Variants in PDZD8 observed in about 807,000 individuals in gnomAD.
PDZD8 encodes the protein PDZ domain-containing protein 8.
In PDZD8, 14 loss-of-function variants were observed where a neutral mutation model predicts 85.8. That is an observed-to-expected ratio of 0.16 (90% CI 0.11 to 0.26). PDZD8 has a LOEUF of 0.26. Among genes scored for constraint, PDZD8 ranks in the 10% least tolerant of loss-of-function variants. The pLI is 1.00. For missense variants in PDZD8, 1,197 were observed against 1,424.3 expected, an observed-to-expected ratio of 0.84 and a Z score of 2.57; for synonymous variants, 592 against 568.6, an observed-to-expected ratio of 1.04 and a Z score of -0.59.
intron 3 of PDZD8, among the ~76,000 whole-genome samples, chr10:117,292,463 A>C (rs1844784538): frequency 6.6e-6 from 1 of 152,226 alleles, no homozygotes; most frequent in Admixed American, 6.5e-5. Flanking sequence ...GCTGAAATTT[A>C]GAATGTAAGT....
chr10:117,335,964 G>A (rs1479941652), intron 2 of PDZD8, among the ~76,000 whole-genome samples: 1 of 152,216 alleles, frequency 6.6e-6, no homozygotes, highest in African/African-American at 2.4e-5. Flanking sequence ...ATGAACTAGA[G>A]TTGGAGGTAC....
intron 3 of PDZD8, among the ~76,000 whole-genome samples, chr10:117,308,487 G>A (rs756015480): frequency 9.9e-5 from 15 of 152,030 alleles, no homozygotes; most frequent in Non-Finnish European, 1.5e-4. Context: ...AATAATAATA[G>A]ATATTATGTG....
At chr10:117,330,912 C>T (rs898819169) in intron 2 of PDZD8, among the ~76,000 whole-genome samples, 9 of 152,116 alleles carry the variant, frequency 5.9e-5, no homozygotes, top group African/African-American at 2.2e-4. Flanking sequence ...GCTCTTTTTC[C>T]AATTACCTAA....
chr10:117,333,348 A>G (rs1292689766), intron 2 of PDZD8, among the ~76,000 whole-genome samples: 1 of 152,148 alleles, frequency 6.6e-6, no homozygotes, highest in Admixed American at 6.5e-5. Context: ...ATTGCAGATA[A>G]TAAGTACAAC....
At chr10:117,348,236 T>C (rs1003041592) in intron 1 of PDZD8, among the ~76,000 whole-genome samples, 4 of 152,202 alleles carry the variant, frequency 2.6e-5, no homozygotes, top group Non-Finnish European at 5.9e-5. Flanking sequence ...AATCATAAAA[T>C]GGCACAGCTT....
Position 117,324,515 on chromosome 10 carries a change from T to C in PDZD8, c.996-5541A>G, listed in dbSNP as rs1304982213. Among the ~76,000 whole-genome samples, 6 of 152,268 alleles carry C rather than the reference T, an allele frequency of 3.9e-5. No homozygotes were observed. The East Asian group carries it at 5.8e-4, about 15-fold the overall frequency. ...ACTCTTGGTCATCCACAGACAATGG[T>C]TTTGGTTCTTCCCTAAAAGCATGTG... On this transcript the variant is annotated intron_variant, in intron 2 of 4. Coordinates refer to ENST00000334464, the MANE Select transcript of PDZD8 (RefSeq NM_173791.5).
chr10:117,350,975 G>T (rs750030980), intron 1 of PDZD8, among the ~76,000 whole-genome samples: 1 of 152,032 alleles, frequency 6.6e-6, no homozygotes, highest in Non-Finnish European at 1.5e-5. Context: ...AGGGTTTAGG[G>T]AGGCAATTGC....
chr10:117,284,136 G>A lies in PDZD8; in HGVS notation c.2597C>T (p.Ala866Val). 1 of 1,614,152 alleles carries A rather than the reference G, an allele frequency of 6.2e-7. No homozygotes were observed. The highest frequency in any genetic ancestry group is 8.5e-7 in the Non-Finnish European group (1 of 1,180,032). ...YCKKKVWTKA[A>V]SQCMFCAYVC... Reference sequence around the variant, plus strand: ...ATAAGCACAAAACATACACTGGGAAGCTGCTTTAGTCCAAACTTTTTTCTT... The same window carrying A: ...ATAAGCACAAAACATACACTGGGAAACTGCTTTAGTCCAAACTTTTTTCTT... Residue 866 changes from alanine (A) to valine (V), a missense_variant, in exon 5 of 5, where the codon GCT becomes GTT. By Grantham distance (64) the Ala-to-Val change is moderately conservative (BLOSUM62 0). Around this residue, in one of 4 missense-constraint regions of PDZD8, gnomAD observed 418 missense variants for 571.1 expected, o/e 0.73. Coordinates refer to ENST00000334464, the MANE Select transcript of PDZD8 (RefSeq NM_173791.5).
chr10:117,281,672 T>G lies in PDZD8; in HGVS notation c.*1596A>C, dbSNP rs1456771002. ...ACAATACTGTGAGGGAGGTAAAGTA[T>G]TATTATTCCCATTTTAGAGATGGGT... On this transcript the variant is annotated 3_prime_UTR_variant, in exon 5 of 5. Transcript: ENST00000334464. 1 of 152,186 alleles carries G rather than the reference T, an allele frequency of 6.6e-6. No individual in the cohort carries two copies. Among genetic ancestry groups the G allele is most frequent in the African/African-American group, 2.4e-5 (1 of 41,430 alleles). The allele number at this position is 152,186 out of a possible 1,614,324, so 9.4% of individuals were successfully genotyped here. A position where few individuals can be genotyped will look rare whatever the true frequency, so the allele number is the denominator to read the frequency against.
intron 3 of PDZD8, among the ~76,000 whole-genome samples, chr10:117,294,904 T>C (rs539379256): frequency 6.6e-6 from 1 of 152,046 alleles, no homozygotes; most frequent in African/African-American, 2.4e-5. Flanking sequence ...AAAGTTACAG[T>C]TAGGAGGTAT....
intron 2 of PDZD8, among the ~76,000 whole-genome samples, chr10:117,337,352 C>T (rs191523287): frequency 8.5e-5 from 13 of 152,168 alleles, no homozygotes; most frequent in Non-Finnish European, 1.3e-4. Flanking sequence ...ACTAGCAGTA[C>T]GACAAACAGC....
intron 1 of PDZD8, among the ~76,000 whole-genome samples, chr10:117,345,085 T>C (rs1844682023): frequency 6.6e-6 from 1 of 152,176 alleles, no homozygotes; most frequent in East Asian, 1.9e-4. Flanking sequence ...TCCAGAGACC[T>C]GGTTCTGATT....
intron 1 of PDZD8, among the ~76,000 whole-genome samples, chr10:117,345,165 G>C (rs1844683228): frequency 6.6e-6 from 1 of 152,164 alleles, no homozygotes; most frequent in South Asian, 2.1e-4. Context: ...CTTCCCAAAG[G>C]AATTAATTTC....
chr10:117,354,987 C>T (rs911635833), intron 1 of PDZD8, among the ~76,000 whole-genome samples: 2 of 152,114 alleles, frequency 1.3e-5, no homozygotes, highest in Non-Finnish European at 2.9e-5. Flanking sequence ...AACTATGGCA[C>T]GCTAATACAA....
intron 2 of PDZD8, among the ~76,000 whole-genome samples, chr10:117,322,963 C>G (rs772682127): frequency 3.3e-5 from 5 of 152,264 alleles, no homozygotes; most frequent in Middle Eastern, 3.4e-3. Flanking sequence ...ACCCAAGACT[C>G]AAGGTAAAAA....
At chr10:117,295,915 C>T (rs1454215967) in intron 3 of PDZD8, among the ~76,000 whole-genome samples, 1 of 151,822 alleles carries the variant, frequency 6.6e-6, no homozygotes, top group Non-Finnish European at 1.5e-5. Flanking sequence ...TTTTATAACT[C>T]AGATCAGTAA....
intron 1 of PDZD8, among the ~76,000 whole-genome samples, chr10:117,367,902 G>C (rs11197971): frequency 6.6e-6 from 1 of 151,104 alleles, no homozygotes; most frequent in Non-Finnish European, 1.5e-5. Flanking sequence ...CCTGGGCAAC[G>C]AGAGAGGAAA....
chr10:117,307,507 T>C (rs1843964308), intron 3 of PDZD8, among the ~76,000 whole-genome samples: 1 of 152,068 alleles, frequency 6.6e-6, no homozygotes, highest in Non-Finnish European at 1.5e-5. Context: ...GTCCATACTC[T>C]AAGAATTACT....
chr10:117,327,338 G>C (rs1589568348), intron 2 of PDZD8, among the ~76,000 whole-genome samples: 1 of 152,186 alleles, frequency 6.6e-6, no homozygotes, highest in East Asian at 1.9e-4. Flanking sequence ...TTTGGACTAA[G>C]CTCCTGCATT....
Sources: allele counts gnomAD v4.1 joint callset (sites outside exome capture counted in the v4.1 genomes callset), GRCh38; gene constraint gnomAD v4.1.1; regional missense constraint gnomAD v4.1.1; transcripts MANE v1.5; gene names NCBI Gene and HGNC (gene_info 2026-07-23, HGNC 2026-07-21).